Variants in PKM observed in about 807,000 individuals in gnomAD.
PKM encodes the protein pyruvate kinase M1/2.
PKM carries 18 observed loss-of-function variants against 49.8 expected under a neutral mutation model. The observed-to-expected ratio is 0.36, with a 90% CI of 0.25 to 0.54. PKM has a LOEUF of 0.54. Among genes scored for constraint, PKM ranks in the 20% least tolerant of loss-of-function variants. The probability of loss-of-function intolerance (pLI) is 0.89; values close to 1 mark genes in which losing one functional copy is unlikely to be tolerated. For missense variants in PKM, 508 were observed against 713.8 expected (o/e 0.71, Z 3.28); for synonymous variants, 239 against 261.8 (o/e 0.91, Z 0.84).
chr15:72,206,730 G>A lies in PKM; in HGVS notation c.1138C>T (p.Leu380=). ...YPLEAVRMQH[L]IAREAEAAIY... The stretch of plus-strand genomic sequence containing the variant: ...ATGGGGCAGGCCCCAGAACTCACCA[G>A]GTGCTGCATGCGCACAGCCTCCAGA... The change falls in exon 8 of 11, where the codon CTG becomes TTG. Residue 380 remains leucine (L), a splice_region_variant and synonymous_variant. Transcript: ENST00000335181. 6.2e-7 allele frequency: 1 copy of A among 1,612,824 alleles called. No homozygotes were observed. The highest frequency in any genetic ancestry group is 1.7e-5 in the Admixed American group (1 of 60,036).
chr15:72,219,487 T>C (rs2082466890), intron 1 of PKM: 1 of 172,910 alleles, frequency 5.8e-6, no homozygotes, highest in Admixed American at 5.5e-5. Context: ...ATGAAGGAAG[T>C]TGTAACCAAT....
At position 72,231,133 on chromosome 15, in the gene PKM, T is replaced by G. The variant is rs1218446337; in HGVS notation, c.-31A>C. 3.0e-6 allele frequency: 1 copy of G among 335,586 alleles called. No homozygotes were observed. The highest frequency in any genetic ancestry group is 3.8e-5 in the Admixed American group (1 of 26,544). The allele number at this position is 335,586 out of a possible 1,614,324, so 20.8% of individuals were successfully genotyped here. ...CCGCTCACCTCCGGCGCTGACCGAC[T>G]CGGGCTACGCTGCAAAGACGAAGAG... On this transcript the variant is annotated 5_prime_UTR_variant, in exon 1 of 11. Coordinates refer to ENST00000335181, the MANE Select transcript of PKM (RefSeq NM_002654.6).
intron 1 of PKM, among the ~76,000 whole-genome samples, chr15:72,228,347 C>T (rs896031962): frequency 6.7e-6 from 1 of 148,470 alleles, no homozygotes; most frequent in African/African-American, 2.5e-5. Context: ...CCAGGTGACC[C>T]GGACCAATCA....
chr15:72,221,129 G>T, intron 1 of PKM: 1 of 1,192,080 alleles, frequency 8.4e-7, no homozygotes, highest in Non-Finnish European at 1.2e-6. Flanking sequence ...GGGTCTTCCT[G>T]TAAAGACCTG....
chr15:72,224,661 G>A (rs1191950274), intron 1 of PKM, among the ~76,000 whole-genome samples: 1 of 151,982 alleles, frequency 6.6e-6, no homozygotes, highest in Admixed American at 6.6e-5. Context: ...CTAAGAGTTC[G>A]AGACCAGCCT....
In PKM at chr15:72,202,881, CA is replaced by C. The variant is rs2081979232; in HGVS notation, c.1141-262del. ...ACAGGACCCTTTGGTCCTGCCCTGCCATGACCTCCCTGGCGGTGTTCCTACA... is the reference window on the plus strand; with the variant it reads ...ACAGGACCCTTTGGTCCTGCCCTGCCTGACCTCCCTGGCGGTGTTCCTACA... On this transcript the variant is annotated intron_variant, in intron 8 of 10. Transcript: ENST00000335181. The surrounding 1 kb of genome is among the most constrained non-coding windows in gnomAD (Gnocchi z 4.5). 1.1e-6 allele frequency: 1 copy of C among 921,144 alleles called. No individual in the cohort carries two copies. Among genetic ancestry groups the C allele is most frequent in the Admixed American group, 1.9e-5 (1 of 54,008 alleles). 57.1% of individuals were successfully genotyped at this position (921,144 alleles called of 1,614,324 possible).
At chr15:72,205,646 T>G (rs974121211) in intron 8 of PKM, among the ~76,000 whole-genome samples, 12 of 90,700 alleles carry the variant, frequency 1.3e-4, no homozygotes, top group African/African-American at 4.4e-4. Flanking sequence ...TTTTTTTTTT[T>G]CTGTTTTTTC....
At chr15:72,228,640 C>T (rs1455163997) in intron 1 of PKM, 1 of 1,284,962 alleles carries the variant, frequency 7.8e-7, no homozygotes, top group Non-Finnish European at 1.0e-6. Context: ...CCCCACAGAG[C>T]CCCACTCCCC....
At chr15:72,228,776 T>TC (rs768805322) in intron 1 of PKM, 4 of 404,444 alleles carry the variant, frequency 9.9e-6, no homozygotes, top group Non-Finnish European at 1.9e-5. Context: ...AGTCCTGACC[T>TC]CCATCTCCTC....
chr15:72,203,003 C>G, intron 8 of PKM: 1 of 1,612,428 alleles, frequency 6.2e-7, no homozygotes, highest in Non-Finnish European at 8.5e-7. Context: ...AACAGTGTTA[C>G]CTGCCCTTAG....
chr15:72,210,281 T>C, intron 4 of PKM, 66 bp downstream of exon 4: 1 of 1,570,428 alleles, frequency 6.4e-7, no homozygotes, highest in African/African-American at 1.3e-5. Flanking sequence ...CCCAGCGCTT[T>C]GGAGGACATG....
At chr15:72,228,604 G>T in intron 1 of PKM, 1 of 1,274,676 alleles carries the variant, frequency 7.8e-7, no homozygotes, top group Non-Finnish European at 1.0e-6. Flanking sequence ...CTCAAAAGCA[G>T]AATAATTGAA....
Position 72,200,762 on chromosome 15 carries a change from C to T in PKM, c.1308-107G>A. The T allele has an allele frequency of 1.0e-6, 1 of 970,344 alleles. No individual in the cohort carries two copies. Among genetic ancestry groups the T allele is most frequent in the Non-Finnish European group, 1.5e-6 (1 of 647,786 alleles). The allele number at this position is 970,344 out of a possible 1,614,324, so 60.1% of individuals were successfully genotyped here. A position where few individuals can be genotyped will look rare whatever the true frequency, so the allele number is the denominator to read the frequency against. On this transcript the variant is annotated intron_variant, in intron 9 of 10. Transcript: ENST00000335181. The surrounding 1 kb of genome is among the most constrained non-coding windows in gnomAD (Gnocchi z 4.6). The stretch of plus-strand genomic sequence containing the variant: ...CCTCTCATCCAGCTCACTGAGGGCT[C>T]TGGCCTCTTCAACATCTGCTCCCTA...
intron 3 of PKM, among the ~76,000 whole-genome samples, chr15:72,212,906 C>T (rs1272607460): frequency 6.6e-6 from 1 of 152,064 alleles, no homozygotes; most frequent in African/African-American, 2.4e-5. Context: ...CCCGTCTCTA[C>T]TAAAAGTACA....
chr15:72,227,683 T>A (rs2082710777), intron 1 of PKM, among the ~76,000 whole-genome samples: 1 of 124,308 alleles, frequency 8.0e-6, no homozygotes, highest in Non-Finnish European at 1.6e-5. Context: ...GAGGTGGAGG[T>A]TGCAGTGAGC....
Position 72,202,765 on chromosome 15 carries a change from C to T in PKM, c.1141-145G>A. 1 of 763,798 alleles carries T rather than the reference C, an allele frequency of 1.3e-6. No individual in the cohort carries two copies. The highest frequency in any genetic ancestry group is 2.2e-6 in the Non-Finnish European group (1 of 456,612). 47.3% of individuals were successfully genotyped at this position (763,798 alleles called of 1,614,324 possible). ...GAACAAAGGCCAAGAGGAGCCCAAT[C>T]ACTGGAGATTCTGAGCTGAGCCAAG... On this transcript the variant is annotated intron_variant, in intron 8 of 10. Coordinates refer to ENST00000335181, the MANE Select transcript of PKM (RefSeq NM_002654.6). The surrounding 1 kb of genome is among the most constrained non-coding windows in gnomAD (Gnocchi z 4.5).
chr15:72,229,483 AC>A, intron 1 of PKM: 1 of 1,033,016 alleles, frequency 9.7e-7, no homozygotes. Flanking sequence ...TTTAACCCGT[AC>A]CAGCAAAGGT....
At chr15:72,217,381 A>G (rs761726881) in intron 3 of PKM, 28 bp downstream of exon 3, 1 of 1,405,562 alleles carries the variant, frequency 7.1e-7, no homozygotes, top group Non-Finnish European at 1.0e-6. Context: ...GGCCATCACA[A>G]TGGCCATAGG....
intron 2 of PKM, 112 bp downstream of exon 2, chr15:72,218,832 G>T: frequency 9.4e-7 from 1 of 1,069,226 alleles, no homozygotes; most frequent in Non-Finnish European, 1.4e-6. Flanking sequence ...AAGAATCTGT[G>T]TAGTATCCCA....
Sources: allele counts gnomAD v4.1 joint callset (sites outside exome capture counted in the v4.1 genomes callset), GRCh38; gene constraint gnomAD v4.1.1; non-coding constraint Gnocchi (gnomAD v3.1); transcripts MANE v1.5; gene names NCBI Gene and HGNC (gene_info 2026-07-23, HGNC 2026-07-21).